Variants in PABPC4L observed in about 807,000 individuals in gnomAD.
PABPC4L encodes the protein polyadenylate-binding protein 4-like.
For synonymous variants in PABPC4L, 169 were observed against 164.1 expected (o/e 1.03, Z -0.23); for missense variants, 452 against 451.4 (o/e 1.00, Z -0.01).
At chr4:133,983,973 A>G in the PABPC4L span, among the ~76,000 whole-genome samples, 1 of 152,024 alleles carries the variant, frequency 6.6e-6, no homozygotes, top group East Asian at 1.9e-4. Flanking sequence ...ACATAGAAAG[A>G]GTACAAAGAA....
At chr4:134,088,136 T>C in the PABPC4L span, among the ~76,000 whole-genome samples, 1 of 152,096 alleles carries the variant, frequency 6.6e-6, no homozygotes, top group Non-Finnish European at 1.5e-5. Context: ...CCCATTGTTA[T>C]ATCCTCCTCA....
the PABPC4L span, among the ~76,000 whole-genome samples, chr4:134,035,226 A>T: frequency 6.6e-6 from 1 of 152,056 alleles, no homozygotes; most frequent in Non-Finnish European, 1.5e-5. Context: ...ATCACTTAAT[A>T]GACTACAGTA....
the PABPC4L span, among the ~76,000 whole-genome samples, chr4:134,155,435 C>CACACACAG: frequency 6.6e-6 from 1 of 151,558 alleles, no homozygotes; most frequent in African/African-American, 2.4e-5. Flanking sequence ...CACACACACA[C>CACACACAG]AGAGTCATGT....
chr4:134,139,104 CTCT>C, the PABPC4L span, among the ~76,000 whole-genome samples: 1 of 151,960 alleles, frequency 6.6e-6, no homozygotes, highest in Non-Finnish European at 1.5e-5. Flanking sequence ...CACAAATACA[CTCT>C]TCTTAGAATA....
At chr4:134,065,551 C>T in the PABPC4L span, among the ~76,000 whole-genome samples, 4 of 152,178 alleles carry the variant, frequency 2.6e-5, no homozygotes, top group South Asian at 6.2e-4. Flanking sequence ...CAAATACTTT[C>T]TTCCATTCTG....
At chr4:133,970,981 C>A in the PABPC4L span, among the ~76,000 whole-genome samples, 1 of 152,164 alleles carries the variant, frequency 6.6e-6, no homozygotes, top group East Asian at 1.9e-4. Flanking sequence ...GTTATAGTAG[C>A]CCAAACAGAC....
the PABPC4L span, among the ~76,000 whole-genome samples, chr4:134,164,038 C>A: frequency 6.6e-6 from 1 of 151,328 alleles, no homozygotes; most frequent in Non-Finnish European, 1.5e-5. Context: ...CCGAGGCGGG[C>A]GGATCACGAG....
At chr4:134,159,124 C>T in the PABPC4L span, among the ~76,000 whole-genome samples, 105,818 of 152,050 alleles carry the variant, frequency 0.7, 38,164 homozygotes, top group East Asian at 1. Flanking sequence ...GAGTGAGTGG[C>T]GAGTGAATGT....
the PABPC4L span, among the ~76,000 whole-genome samples, chr4:134,129,572 A>T: frequency 6.6e-6 from 1 of 152,124 alleles, no homozygotes; most frequent in Non-Finnish European, 1.5e-5. Context: ...CTTCTGAATG[A>T]TCATTGGGTC....
At chr4:134,055,322 G>C in the PABPC4L span, among the ~76,000 whole-genome samples, 1 of 151,888 alleles carries the variant, frequency 6.6e-6, no homozygotes, top group Non-Finnish European at 1.5e-5. Flanking sequence ...GTGAGGCCTT[G>C]GTCTGGTAGG....
chr4:134,127,236 G>A, the PABPC4L span, among the ~76,000 whole-genome samples: 2 of 151,904 alleles, frequency 1.3e-5, no homozygotes, highest in Non-Finnish European at 2.9e-5. Context: ...TCTCTTGGAA[G>A]CTCAATGGCC....
the PABPC4L span, among the ~76,000 whole-genome samples, chr4:134,010,412 C>T: frequency 2.4e-4 from 36 of 152,092 alleles, no homozygotes; most frequent in Middle Eastern, 3.4e-3. Flanking sequence ...AACATTCTGA[C>T]GTAACCATAA....
At chr4:134,004,002 A>G in the PABPC4L span, among the ~76,000 whole-genome samples, 1 of 151,974 alleles carries the variant, frequency 6.6e-6, no homozygotes, top group Non-Finnish European at 1.5e-5. Flanking sequence ...AAAATGGATT[A>G]AAGACTTAAG....
At chr4:134,028,359 A>C in the PABPC4L span, among the ~76,000 whole-genome samples, 6 of 151,696 alleles carry the variant, frequency 4.0e-5, no homozygotes, top group Admixed American at 1.3e-4. Context: ...TCCTCTCCTC[A>C]TGCTAAGCCT....
At chr4:134,129,260 A>G in the PABPC4L span, among the ~76,000 whole-genome samples, 5 of 152,172 alleles carry the variant, frequency 3.3e-5, no homozygotes, top group African/African-American at 1.2e-4. Context: ...AGCTCTGGAC[A>G]GGTCATCAAG....
At chr4:134,040,967 G>GA in the PABPC4L span, among the ~76,000 whole-genome samples, 6 of 151,880 alleles carry the variant, frequency 4.0e-5, no homozygotes, top group South Asian at 4.1e-4. Flanking sequence ...ACAAACATAT[G>GA]AAAAAAAGCT....
chr4:133,971,833 C>T, the PABPC4L span, among the ~76,000 whole-genome samples: 24 of 152,312 alleles, frequency 1.6e-4, no homozygotes, highest in African/African-American at 4.6e-4. Context: ...TTAGATCCCA[C>T]AGATTTCAAT....
chr4:134,168,410 G>A, the PABPC4L span, among the ~76,000 whole-genome samples: 2 of 151,368 alleles, frequency 1.3e-5, no homozygotes, highest in South Asian at 4.1e-4. Flanking sequence ...AAGAGAAATA[G>A]TAACAATGAG....
chr4:134,025,621 A>G, the PABPC4L span, among the ~76,000 whole-genome samples: 11 of 152,136 alleles, frequency 7.2e-5, no homozygotes, highest in Non-Finnish European at 1.2e-4. Flanking sequence ...TTTCTTAAGG[A>G]AAGTATTAAA....
Sources: allele counts gnomAD v4.1 joint callset (sites outside exome capture counted in the v4.1 genomes callset), GRCh38; gene constraint gnomAD v4.1.1; transcripts MANE v1.5; gene names NCBI Gene and HGNC (gene_info 2026-07-23, HGNC 2026-07-21).